TP73: variants seen among roughly 807,000 people sequenced by gnomAD.
The protein encoded by TP73 is p53-like transcription factor.
Under a neutral mutation model 62.5 loss-of-function variants are expected in TP73, and 25 were observed. That is an observed-to-expected ratio of 0.40 (90% CI 0.29 to 0.56). The LOEUF (loss-of-function observed/expected upper bound fraction) is 0.56, where lower values mean the gene tolerates loss of function less well. Ranked by LOEUF, TP73 falls within the 20% of genes least tolerant of loss-of-function variation. The pLI is 0.46. For missense variants in TP73, 754 were observed against 913.3 expected (o/e 0.83, Z 2.25); for synonymous variants, 423 against 377.5 (o/e 1.12, Z -1.40).
intron 4 of TP73, among the ~76,000 whole-genome samples, chr1:3,713,695 T>G (rs894429716): frequency 6.6e-6 from 1 of 152,132 alleles, no homozygotes; most frequent in Non-Finnish European, 1.5e-5. Context: ...CTTCTGTCCC[T>G]TTTCCGAGGA....
Position 3,662,902 on chromosome 1 carries a change from C to T in TP73, c.-34+10261C>T, listed in dbSNP as rs12118148. ...GGCTGCCTCTTCCAGCAGCTCCGAG[C>T]GCTCTCAGAGAAAAACGAAATTCTC... On this transcript the variant is annotated intron_variant, in intron 1 of 13. Coordinates refer to ENST00000378295, the MANE Select transcript of TP73 (RefSeq NM_005427.4). This position sits in a 1 kb window ranked among gnomAD's most constrained non-coding sequence, Gnocchi z 4.4. Among the ~76,000 whole-genome samples the T allele has an allele frequency of 1.3e-5, 2 of 152,184 alleles. No individual in the cohort carries two copies. Among genetic ancestry groups the T allele is most frequent in the African/African-American group, 2.4e-5 (1 of 41,522 alleles).
intron 4 of TP73, among the ~76,000 whole-genome samples, chr1:3,717,179 G>A (rs1030610805): frequency 1.3e-5 from 2 of 152,110 alleles, no homozygotes; most frequent in Admixed American, 6.5e-5. Flanking sequence ...TGCCCGTGCC[G>A]GGCACCCAGC....
intron 1 of TP73, among the ~76,000 whole-genome samples, chr1:3,658,558 C>T (rs1239390794): frequency 6.6e-6 from 1 of 152,216 alleles, no homozygotes; most frequent in Non-Finnish European, 1.5e-5. Context: ...CTATCAGTCT[C>T]ATGGTGAGAA....
At chr1:3,654,748 G>A (rs1644830468) in intron 1 of TP73, among the ~76,000 whole-genome samples, 1 of 152,242 alleles carries the variant, frequency 6.6e-6, no homozygotes, top group Admixed American at 6.5e-5. Context: ...CAGGAGGGAT[G>A]GCAGTGAGGC....
rs1197691553 is a variant in TP73, at chr1:3,734,828, C to G, written c.*1749C>G. 6.6e-6 allele frequency: 1 copy of G among 152,282 alleles called. No individual in the cohort carries two copies. 9.4% of individuals were successfully genotyped at this position (152,282 alleles called of 1,614,324 possible). ...CCTGGGTGCACGCTTGTGGGGGCAG[C>G]AGGAACGGGGCTGTCGGCTCTCAGG... On this transcript the variant is annotated 3_prime_UTR_variant, in exon 14 of 14. Coordinates refer to ENST00000378295, the MANE Select transcript of TP73 (RefSeq NM_005427.4). This position sits in a 1 kb window ranked among gnomAD's most constrained non-coding sequence, Gnocchi z 4.4.
rs1355044974 is a variant in TP73 at position 3,732,854 on chromosome 1, C to T, written c.1686C>T (p.Arg562=). ...HDYSTAQQLL[R]SSNAATISIG... The stretch of plus-strand genomic sequence containing the variant: ...ACAGCACCGCGCAGCAGCTGCTCCG[C>T]TCTAGCAACGCGGCCACCATCTCCA... The change falls in exon 14 of 14, where the codon CGC becomes CGT. Residue 562 remains arginine, a synonymous_variant. Transcript: ENST00000378295. 1 of 1,612,162 alleles carries T rather than the reference C, an allele frequency of 6.2e-7. No homozygotes were observed. Among genetic ancestry groups the T allele is most frequent in the Non-Finnish European group, 8.5e-7 (1 of 1,179,750 alleles).
chr1:3,703,259 C>A (rs537098707), intron 3 of TP73, among the ~76,000 whole-genome samples: 1 of 152,328 alleles, frequency 6.6e-6, no homozygotes, highest in African/African-American at 2.4e-5. Flanking sequence ...AGGACAGCGT[C>A]CCCTGGGCAG....
rs967228055 is a variant in TP73, at chr1:3,672,890, C to T, written c.-33-9443C>T. On this transcript the variant is annotated intron_variant, in intron 1 of 13. Transcript: ENST00000378295. This position sits in a 1 kb window ranked among gnomAD's most constrained non-coding sequence, Gnocchi z 5.3. ...CATCAGGCCGCTCATGCTTCTGACC[C>T]CACCTCCAAACCCTCCTGACCCGCT... Among the ~76,000 whole-genome samples, 5 of 152,146 alleles carry T rather than the reference C, an allele frequency of 3.3e-5. No individual in the cohort carries two copies. The highest frequency in any genetic ancestry group is 1.2e-4 in the African/African-American group (5 of 41,434).
chr1:3,727,950 G>C (rs1341749420), intron 8 of TP73, among the ~76,000 whole-genome samples, 179 bp from the exon 9 acceptor site: 1 of 152,192 alleles, frequency 6.6e-6, no homozygotes, highest in Non-Finnish European at 1.5e-5. Flanking sequence ...CCTGGGCCAA[G>C]GGCACCTCAG....
intron 8 of TP73, 67 bp from the exon 9 acceptor site, chr1:3,728,062 C>T (rs1298838111): frequency 3.6e-5 from 53 of 1,486,478 alleles, no homozygotes; most frequent in Non-Finnish European, 9.1e-7. Context: ...GGTCTCCCTC[C>T]TCCCGGAAGG....
rs1335683419 is a variant in TP73, at chr1:3,732,945, A to G, written c.1777A>G (p.Thr593Ala). The G allele has an allele frequency of 6.2e-7, 1 of 1,609,292 alleles. No individual in the cohort carries two copies. Among genetic ancestry groups the G allele is most frequent in the Admixed American group, 1.7e-5 (1 of 59,828 alleles). The part of the protein sequence containing the change: ...MEAVHFRVRH[T>A]ITIPNRGGPG... ...GGCCGTGCACTTCCGCGTGCGCCACACCATCACCATCCCCAACCGCGGCGG... is the reference window on the plus strand; with the variant it reads ...GGCCGTGCACTTCCGCGTGCGCCACGCCATCACCATCCCCAACCGCGGCGG... The change falls in exon 14 of 14, where the codon ACC becomes GCC. Residue 593 changes from threonine to alanine, a missense_variant. Around this residue, in one of 3 missense-constraint regions of TP73, gnomAD observed 458 missense variants for 528.7 expected, o/e 0.87. Coordinates refer to ENST00000378295, the MANE Select transcript of TP73 (RefSeq NM_005427.4).
At chr1:3,698,598 G>T (rs530423189) in intron 3 of TP73, among the ~76,000 whole-genome samples, 627 of 152,334 alleles carry the variant, frequency 4.1e-3, no homozygotes, top group Non-Finnish European at 7.4e-3. Flanking sequence ...GGGACGTGGA[G>T]AAGGGTCTGG....
chr1:3,674,712 T>G (rs938886187), intron 1 of TP73, among the ~76,000 whole-genome samples: 3 of 152,204 alleles, frequency 2.0e-5, no homozygotes, highest in African/African-American at 7.2e-5. Context: ...GGCCCCAGCC[T>G]GCCAAGCGAG....
intron 1 of TP73, among the ~76,000 whole-genome samples, chr1:3,653,329 A>T (rs1428660985): frequency 1.3e-5 from 2 of 152,002 alleles, no homozygotes; most frequent in Non-Finnish European, 2.9e-5. Context: ...GGAGGGAGAC[A>T]CCTCACGCCC....
At chr1:3,658,003 G>A (rs569999546) in intron 1 of TP73, among the ~76,000 whole-genome samples, 3 of 152,340 alleles carry the variant, frequency 2.0e-5, no homozygotes, top group South Asian at 2.1e-4. Context: ...GGGGGACATC[G>A]GTCTGCGCGG....
chr1:3,707,255 C>G (rs1213415445), intron 3 of TP73, among the ~76,000 whole-genome samples: 1 of 152,196 alleles, frequency 6.6e-6, no homozygotes, highest in African/African-American at 2.4e-5. Context: ...GAGCCTCCCC[C>G]ACCCGACGCC....
intron 12 of TP73, 97 bp from the exon 13 acceptor site, chr1:3,731,366 A>G (rs1340529957): frequency 6.4e-6 from 8 of 1,252,410 alleles, no homozygotes; most frequent in Non-Finnish European, 8.0e-6. Context: ...AGACAGCGGC[A>G]GTCTCCGCCC....
At chr1:3,692,185 A>C (rs566013212) in intron 3 of TP73, among the ~76,000 whole-genome samples, 2 of 152,030 alleles carry the variant, frequency 1.3e-5, no homozygotes, top group Non-Finnish European at 2.9e-5. Flanking sequence ...GTAGGTGCTC[A>C]CGTGTGTCCG....
At chr1:3,702,018 G>A (rs1057259383) in intron 3 of TP73, among the ~76,000 whole-genome samples, 1 of 152,136 alleles carries the variant, frequency 6.6e-6, no homozygotes, top group African/African-American at 2.4e-5. Flanking sequence ...TGGTGGCGTA[G>A]GGGCATCAGT....
Sources: gnomAD v4.1 joint callset for allele counts (sites outside exome capture counted in the v4.1 genomes callset) on GRCh38, gnomAD v4.1.1 for gene constraint, gnomAD v4.1.1 regional missense constraint, Gnocchi (gnomAD v3.1) non-coding constraint, MANE v1.5 for transcripts, NCBI Gene and HGNC (gene_info 2026-07-23, HGNC 2026-07-21) for gene names.